PCDH15: variants seen among roughly 807,000 people sequenced by gnomAD.
PCDH15 encodes protocadherin-15.
PCDH15 carries 129 observed loss-of-function variants against 178.5 expected under a neutral mutation model. That is an observed-to-expected ratio of 0.72 (90% CI 0.63 to 0.84). The LOEUF is 0.84. Ranked by LOEUF, PCDH15 falls within the 40% of genes least tolerant of loss-of-function variation. The probability of loss-of-function intolerance (pLI) is 0.00; values close to 1 mark genes in which losing one functional copy is unlikely to be tolerated. For missense variants in PCDH15, 2,230 were observed against 2,099.9 expected (o/e 1.06, Z -1.21); for synonymous variants, 800 against 732.0 (o/e 1.09, Z -1.50).
At chr10:55,378,661 C>G (rs1361345948) in intron 2 of PCDH15, among the ~76,000 whole-genome samples, 3 of 152,020 alleles carry the variant, frequency 2.0e-5, no homozygotes, top group African/African-American at 7.2e-5. Flanking sequence ...CTCCATTCCT[C>G]AATTCAACAG....
chr10:55,519,315 T>C (rs1025038463), intron 2 of PCDH15, among the ~76,000 whole-genome samples: 2 of 148,832 alleles, frequency 1.3e-5, no homozygotes, highest in Non-Finnish European at 3.0e-5. Context: ...ATAGATTATA[T>C]ACTGTAAAAT....
In PCDH15 at chr10:55,198,518, G is replaced by T. The variant is rs557509691; in HGVS notation, c.-155-31867C>A. On this transcript the variant is annotated intron_variant, in intron 1 of 5. Transcript: ENST00000458638. ...TTATTATTTTTTGAGACGGAGTCTCGCCCTGTCGCCCAAGCTGGAGAGCAG... is the reference window on the plus strand; with the variant it reads ...TTATTATTTTTTGAGACGGAGTCTCTCCCTGTCGCCCAAGCTGGAGAGCAG... Among the ~76,000 whole-genome samples the T allele has an allele frequency of 4.6e-5, 7 of 152,082 alleles. No homozygotes were observed. In the South Asian group the frequency reaches 8.3e-4, roughly 18 times the overall value.
At chr10:53,981,444 C>A (rs1289228852) in intron 21 of PCDH15, among the ~76,000 whole-genome samples, 1 of 152,144 alleles carries the variant, frequency 6.6e-6, no homozygotes, top group Non-Finnish European at 1.5e-5. Flanking sequence ...GTAACCAAAA[C>A]AGCATGGTAC....
intron 3 of PCDH15, among the ~76,000 whole-genome samples, chr10:54,516,657 C>T (rs1243493095): frequency 2.6e-5 from 4 of 152,102 alleles, no homozygotes; most frequent in African/African-American, 9.7e-5. Context: ...TCCAGGAGAA[C>T]TTCCCCAACC....
At chr10:55,529,741 G>GTATATATATATATATATATATATA (rs56254743) in intron 2 of PCDH15, among the ~76,000 whole-genome samples, 1 of 62,770 alleles carries the variant, frequency 1.6e-5, no homozygotes, top group Non-Finnish European at 3.1e-5. Flanking sequence ...TTGTCTGTGA[G>GTATATATATATATATATATATATA]TATATATATA....
At chr10:54,087,303 T>G (rs1002099764) in intron 16 of PCDH15, among the ~76,000 whole-genome samples, 1 of 152,128 alleles carries the variant, frequency 6.6e-6, no homozygotes, top group African/African-American at 2.4e-5. Context: ...TCACTCCCCA[T>G]TCTCTCCCAC....
chr10:54,759,219 A>C (rs1356214007), intron 1 of PCDH15, among the ~76,000 whole-genome samples: 1 of 152,188 alleles, frequency 6.6e-6, no homozygotes, highest in East Asian at 1.9e-4. Flanking sequence ...TATTTAAAGA[A>C]AATTATTTTT....
chr10:54,399,951 T>A (rs535203341), intron 3 of PCDH15, among the ~76,000 whole-genome samples: 13 of 152,226 alleles, frequency 8.5e-5, no homozygotes, highest in Non-Finnish European at 1.3e-4. Context: ...TCTTTTTACC[T>A]CTAATGCTTT....
intron 14 of PCDH15, among the ~76,000 whole-genome samples, chr10:54,137,076 A>G (rs894073056): frequency 6.6e-6 from 1 of 152,168 alleles, no homozygotes; most frequent in African/African-American, 2.4e-5. Context: ...AAAATTAAAT[A>G]CCCATAGTAT....
At chr10:55,470,372 A>G (rs1225447720) in intron 2 of PCDH15, among the ~76,000 whole-genome samples, 1 of 151,978 alleles carries the variant, frequency 6.6e-6, no homozygotes, top group Non-Finnish European at 1.5e-5. Flanking sequence ...AAGGTCAAGT[A>G]TTTGTCCCTA....
At chr10:54,272,032 AT>A (rs869200577) in intron 8 of PCDH15, among the ~76,000 whole-genome samples, 8 of 139,644 alleles carry the variant, frequency 5.7e-5, no homozygotes, top group Non-Finnish European at 1.1e-4. Context: ...TTTATATATA[AT>A]ATATTATATA....
At chr10:53,938,670 T>A in intron 25 of PCDH15, 145 bp downstream of exon 25, 1 of 863,546 alleles carries the variant, frequency 1.2e-6, no homozygotes, top group South Asian at 1.6e-5. Flanking sequence ...ATTAGCTGTT[T>A]AAACGAATAG....
intron 2 of PCDH15, among the ~76,000 whole-genome samples, chr10:54,947,724 T>C (rs1182772425): frequency 6.6e-6 from 1 of 151,972 alleles, no homozygotes; most frequent in Non-Finnish European, 1.5e-5. Context: ...ATATTCACTA[T>C]CTTGAATGGC....
At chr10:54,689,739 T>C (rs1030162151) in intron 1 of PCDH15, among the ~76,000 whole-genome samples, 2 of 152,170 alleles carry the variant, frequency 1.3e-5, no homozygotes, top group Non-Finnish European at 2.9e-5. Flanking sequence ...GATCTTTGCT[T>C]TTGTCACCTA....
chr10:54,369,761 C>T (rs1947360186), intron 4 of PCDH15, among the ~76,000 whole-genome samples: 1 of 151,932 alleles, frequency 6.6e-6, no homozygotes, highest in East Asian at 1.9e-4. Context: ...AGCCAGCCAA[C>T]TAAACTTACT....
chr10:54,655,261 AGAGAGAGAGAGAG>A (rs1565865504), intron 2 of PCDH15, among the ~76,000 whole-genome samples: 240 of 71,954 alleles, frequency 3.3e-3, no homozygotes, highest in African/African-American at 0.01. Context: ...AAAGAAAGAG[AGAGAGAGAGAGAG>A]AGAGAGAGAG....
chr10:55,501,366 A>T (rs537196408), intron 2 of PCDH15, among the ~76,000 whole-genome samples: 12 of 151,758 alleles, frequency 7.9e-5, no homozygotes, highest in Non-Finnish European at 1.3e-4. Context: ...TTGTTATGGA[A>T]GTCCTAGGAA....
chr10:54,981,027 C>A (rs1839221014), intron 2 of PCDH15, among the ~76,000 whole-genome samples: 1 of 150,552 alleles, frequency 6.6e-6, no homozygotes, highest in Non-Finnish European at 1.5e-5. Context: ...TTCCATCCAT[C>A]AAAGTTAAAA....
chr10:54,141,581 GT>G (rs138501391), intron 14 of PCDH15, among the ~76,000 whole-genome samples: 6 of 152,088 alleles, frequency 3.9e-5, no homozygotes, highest in African/African-American at 1.2e-4. Flanking sequence ...AGACTGGGCT[GT>G]TTTTTTAAGA....
Sources: allele counts gnomAD v4.1 joint callset (sites outside exome capture counted in the v4.1 genomes callset), GRCh38; gene constraint gnomAD v4.1.1; transcripts MANE v1.5; gene names NCBI Gene and HGNC (gene_info 2026-07-23, HGNC 2026-07-21).